TECTA: variants seen among roughly 807,000 people sequenced by gnomAD.
TECTA encodes the protein tectorin alpha, also known as alpha-tectorin.
A neutral mutation model predicts 216.8 loss-of-function variants in TECTA; 128 were observed. That is an observed-to-expected ratio of 0.59 (90% CI 0.51 to 0.68). TECTA has a LOEUF of 0.68. Among genes scored for constraint, TECTA ranks in the 30% least tolerant of loss-of-function variants. The probability of loss-of-function intolerance (pLI) is 0.00; values close to 1 mark genes in which losing one functional copy is unlikely to be tolerated. For missense variants in TECTA, 2,551 were observed against 2,786.2 expected, an observed-to-expected ratio of 0.92 and a Z score of 1.90; for synonymous variants, 1,089 against 1,117.1, an observed-to-expected ratio of 0.97 and a Z score of 0.50.
intron 11 of TECTA, among the ~76,000 whole-genome samples, chr11:121,143,059 T>G (rs999750484): frequency 6.6e-6 from 1 of 152,268 alleles, no homozygotes; most frequent in Non-Finnish European, 1.5e-5. Flanking sequence ...TTACTTTATT[T>G]GCTATTTGCT....
rs777406106 is a variant in TECTA at position 121,125,687 on chromosome 11, C to T, written c.1589C>T (p.Thr530Ile). 4 of 1,609,844 alleles carry T rather than the reference C, an allele frequency of 2.5e-6. No homozygotes were observed. Among genetic ancestry groups the T allele is most frequent in the Non-Finnish European group, 3.4e-6 (4 of 1,176,418 alleles). Residue 530 changes from threonine to isoleucine, a missense_variant, in exon 8 of 24, where the codon ACA becomes ATA. By Grantham distance (89) the Thr-to-Ile change is moderately conservative. Coordinates refer to ENST00000392793, the MANE Select transcript of TECTA (RefSeq NM_005422.4). ...GACTACTGCGGCTTCCTCAACAAGA[C>T]AGACGGCCCTCTGTGGGAGTGTGGC... Reference protein sequence around the residue: ...GSDYCGFLNKTDGPLWECGTV... With the variant: ...GSDYCGFLNKIDGPLWECGTV...
rs190171508 is a variant in TECTA, at chr11:121,112,148, G to C, written c.487-924G>C. On this transcript the variant is annotated intron_variant, in intron 4 of 23. Transcript: ENST00000392793. ...AAATTTTTTGAAAACATGTGACAAG[G>C]GGTGAGGATTAGCAAGAGGAAAATA... 2.2e-4 allele frequency among the ~76,000 whole-genome samples: 34 copies of C among 152,320 alleles called. 1 individual carries two copies. In the East Asian group the frequency reaches 6.2e-3, roughly 28 times the overall value.
chr11:121,157,338 C>T (rs926664306), intron 13 of TECTA, among the ~76,000 whole-genome samples: 6 of 152,050 alleles, frequency 3.9e-5, no homozygotes, highest in Admixed American at 2.0e-4. Flanking sequence ...GGGGTGGTGG[C>T]TCATACCCGT....
intron 4 of TECTA, among the ~76,000 whole-genome samples, chr11:121,111,690 T>G (rs1238643217): frequency 6.6e-6 from 1 of 152,242 alleles, no homozygotes; most frequent in Non-Finnish European, 1.5e-5. Flanking sequence ...GGCTCTAGCT[T>G]TAGTCCTTGT....
At chr11:121,152,779 C>T (rs759391957) in intron 12 of TECTA, 102 bp from the exon 13 acceptor site, 2 of 1,259,894 alleles carry the variant, frequency 1.6e-6, no homozygotes, top group Non-Finnish European at 2.2e-6. Context: ...CCTGCCTCTC[C>T]CCGTGCCTTT....
chr11:121,174,396 A>C (rs989481369), intron 20 of TECTA, among the ~76,000 whole-genome samples: 1 of 151,926 alleles, frequency 6.6e-6, no homozygotes, highest in Non-Finnish European at 1.5e-5. Flanking sequence ...AGTTTTTAGC[A>C]TGAAGGGTTG....
rs1229411784 is a variant in TECTA, at chr11:121,127,638, G to A, written c.1775-114G>A. ...TCAATTCTGTCTTCCCCGAGTGGCC[G>A]CTTGACCCTCACTCTAGGAACTAAA... On this transcript the variant is annotated intron_variant, in intron 8 of 23. Transcript: ENST00000392793. This position sits in a 1 kb window ranked among gnomAD's most constrained non-coding sequence, Gnocchi z 5.0. 25 of 1,264,184 alleles carry A rather than the reference G, an allele frequency of 2.0e-5. No individual in the cohort carries two copies. The highest frequency in any genetic ancestry group is 1.9e-4 in the East Asian group (8 of 43,152). 78.3% of individuals were successfully genotyped at this position (1,264,184 alleles called of 1,614,324 possible). A position where few individuals can be genotyped will look rare whatever the true frequency, so the allele number is the denominator to read the frequency against.
At chr11:121,150,383 T>C (rs1329367645) in intron 12 of TECTA, among the ~76,000 whole-genome samples, 2 of 152,068 alleles carry the variant, frequency 1.3e-5, no homozygotes, top group Non-Finnish European at 2.9e-5. Flanking sequence ...CAGAAAAAAA[T>C]TAAATCACAA....
intron 10 of TECTA, among the ~76,000 whole-genome samples, chr11:121,136,641 A>G (rs1946730212): frequency 6.6e-6 from 1 of 152,178 alleles, no homozygotes; most frequent in Non-Finnish European, 1.5e-5. Flanking sequence ...AATGTGGTTC[A>G]TACTTAATGA....
chr11:121,161,929 C>A, intron 15 of TECTA, 146 bp from the exon 16 acceptor site: 1 of 894,460 alleles, frequency 1.1e-6, no homozygotes, highest in South Asian at 1.4e-5. Context: ...TAGAGACTAG[C>A]AGTATCTTAC....
At chr11:121,178,445 T>C (rs1947191598) in intron 20 of TECTA, among the ~76,000 whole-genome samples, 2 of 152,112 alleles carry the variant, frequency 1.3e-5, no homozygotes, top group African/African-American at 2.4e-5. Flanking sequence ...CTTTTTGATG[T>C]GTTGTTAGAT....
Position 121,105,547 on chromosome 11 carries a change from G to C in TECTA, c.65-284G>C, listed in dbSNP as rs1412153906. Among the ~76,000 whole-genome samples, 1 of 152,226 alleles carries C rather than the reference G, an allele frequency of 6.6e-6. No individual in the cohort carries two copies. The highest frequency in any genetic ancestry group is 1.5e-5 in the Non-Finnish European group (1 of 68,044). ...TCCAGGGAAATTTCACAAATTTCCA[G>C]CCAGCTGTAGCCATAGATATCACCA... On this transcript the variant is annotated intron_variant, in intron 2 of 23. Transcript: ENST00000392793. This position sits in a 1 kb window ranked among gnomAD's most constrained non-coding sequence, Gnocchi z 5.3.
intron 12 of TECTA, among the ~76,000 whole-genome samples, chr11:121,152,348 G>A (rs1386403628): frequency 6.6e-6 from 1 of 152,238 alleles, no homozygotes; most frequent in Non-Finnish European, 1.5e-5. Context: ...TTAGAAAAAC[G>A]TTCTGTAGAA....
intron 16 of TECTA, among the ~76,000 whole-genome samples, chr11:121,164,727 A>C (rs748813190): frequency 2.0e-5 from 3 of 152,126 alleles, no homozygotes; most frequent in Non-Finnish European, 4.4e-5. Flanking sequence ...AAGTGGACCA[A>C]GAATCGGAAA....
At chr11:121,118,095 T>C (rs1218612854) in intron 6 of TECTA, among the ~76,000 whole-genome samples, 1 of 152,208 alleles carries the variant, frequency 6.6e-6, no homozygotes, top group Non-Finnish European at 1.5e-5. Flanking sequence ...GAATCCTGGC[T>C]TTACCACGGA....
chr11:121,122,672 C>CAAAACAAA (rs1946569381), intron 7 of TECTA, among the ~76,000 whole-genome samples: 1 of 48,908 alleles, frequency 2.0e-5, no homozygotes, highest in Non-Finnish European at 3.5e-5. Flanking sequence ...CCTGTCTCTC[C>CAAAACAAA]AAAAAAAAAA....
chr11:121,189,191 C>T, intron 22 of TECTA, 24 bp downstream of exon 22: 2 of 1,607,302 alleles, frequency 1.2e-6, no homozygotes, highest in Non-Finnish European at 1.7e-6. Flanking sequence ...CTAAAACACA[C>T]CCTAAATTAT....
At chr11:121,142,868 C>T (rs1946798062) in intron 11 of TECTA, among the ~76,000 whole-genome samples, 1 of 152,116 alleles carries the variant, frequency 6.6e-6, no homozygotes, top group Non-Finnish European at 1.5e-5. Flanking sequence ...AATCTTGGCC[C>T]TCTGTCATCT....
chr11:121,168,357 C>A, intron 19 of TECTA, 140 bp downstream of exon 19: 3 of 1,187,360 alleles, frequency 2.5e-6, no homozygotes, highest in South Asian at 1.2e-5. Context: ...ATGCTTTCAA[C>A]CAACATTGTT....
Sources: gnomAD v4.1 joint callset for allele counts (sites outside exome capture counted in the v4.1 genomes callset) on GRCh38, gnomAD v4.1.1 for gene constraint, Gnocchi (gnomAD v3.1) non-coding constraint, MANE v1.5 for transcripts, NCBI Gene and HGNC (gene_info 2026-07-23, HGNC 2026-07-21) for gene names.